The following NELFA variants were observed in gnomAD, a reference collection of about 807,000 sequenced individuals.
NELFA encodes the protein negative elongation factor A.
NELFA carries 35 observed loss-of-function variants against 51.8 expected under a neutral mutation model. That is an observed-to-expected ratio of 0.68 (90% CI 0.52 to 0.90). NELFA has a LOEUF of 0.90. Ranked by LOEUF, NELFA falls within the 40% of genes least tolerant of loss-of-function variation. The probability of loss-of-function intolerance (pLI) is 0.00; values close to 1 mark genes in which losing one functional copy is unlikely to be tolerated. For synonymous variants in NELFA, 417 were observed against 338.4 expected, an observed-to-expected ratio of 1.23 and a Z score of -2.55; for missense variants, 658 against 746.4, an observed-to-expected ratio of 0.88 and a Z score of 1.38.
At chr4:1,990,046 A>G (rs1728227065) in intron 2 of NELFA, 177 bp from the exon 3 acceptor site, 2 of 668,454 alleles carry the variant, frequency 3.0e-6, no homozygotes, top group African/African-American at 3.6e-5. Flanking sequence ...AACACCCAGG[A>G]GCATTTGCAG....
intron 10 of NELFA, 31 bp downstream of exon 10, chr4:1,983,565 T>G: frequency 6.2e-7 from 1 of 1,612,282 alleles, no homozygotes; most frequent in African/African-American, 1.3e-5. Flanking sequence ...CCCGGCCCGG[T>G]GCACCCCCAG....
At chr4:2,008,018 G>A (rs1031918457) in intron 1 of NELFA, 1 of 456,872 alleles carries the variant, frequency 2.2e-6, no homozygotes, top group Non-Finnish European at 4.4e-6. Context: ...AGAGTAAAAC[G>A]GACACAGAGC....
Position 1,984,939 on chromosome 4 carries a change from G to T in NELFA, c.925-20C>A, listed in dbSNP as rs1035105419. 2 of 1,530,424 alleles carry T rather than the reference G, an allele frequency of 1.3e-6. No individual in the cohort carries two copies. Among genetic ancestry groups the T allele is most frequent in the African/African-American group, 2.7e-5 (2 of 72,878 alleles). The allele number at this position is 1,530,424 out of a possible 1,614,324, so 94.8% of individuals were successfully genotyped here. The stretch of plus-strand genomic sequence containing the variant: ...AAGTTTCTGGAACACAGAGTTTAAG[G>T]TTCCTTCCAGAAGAGGCCATGCTTC... On this transcript the variant is annotated intron_variant, in intron 7 of 10. Transcript: ENST00000382882.
intron 1 of NELFA, chr4:1,992,327 A>T: frequency 4.0e-6 from 1 of 251,206 alleles, no homozygotes; most frequent in South Asian, 3.3e-5. Flanking sequence ...CGGGATCTGG[A>T]GTGAGGCCAG....
Position 1,991,530 on chromosome 4 carries a change from G to A in NELFA, c.382+14C>T, listed in dbSNP as rs201996282. 3.4e-4 allele frequency: 551 copies of A among 1,612,562 alleles called. No individual in the cohort carries two copies. In the African/African-American group the frequency reaches 6.4e-3, roughly 19 times the overall value. On this transcript the variant is annotated intron_variant, in intron 2 of 10. Coordinates refer to ENST00000382882, the MANE Select transcript of NELFA (RefSeq NM_005663.5). ...TTCCCTCCACCCAACATGAATTAAA[G>A]CAGCACAACATACCCTTTTCTCTAA...
intron 1 of NELFA, 33 bp from the exon 2 acceptor site, chr4:1,991,748 C>T: frequency 5.1e-6 from 8 of 1,554,544 alleles, no homozygotes; most frequent in Non-Finnish European, 6.9e-6. Context: ...CGCCACCATG[C>T]CCCTGCCCAC....
chr4:2,001,833 G>A (rs1442331948), intron 1 of NELFA, among the ~76,000 whole-genome samples: 1 of 152,000 alleles, frequency 6.6e-6, no homozygotes, highest in Non-Finnish European at 1.5e-5. Context: ...AGCAAGGGAG[G>A]CGGAGGTTGC....
At chr4:1,987,889 G>T in intron 4 of NELFA, 29 bp downstream of exon 4, 1 of 1,569,662 alleles carries the variant, frequency 6.4e-7, no homozygotes, top group Non-Finnish European at 8.7e-7. Flanking sequence ...CCAAAAGCAA[G>T]GCTCACGGCA....
In NELFA at chr4:2,003,675, T is replaced by C. The variant is rs189600957; in HGVS notation, c.210+5075A>G. 5.7e-4 allele frequency among the ~76,000 whole-genome samples: 86 copies of C among 152,136 alleles called. No homozygotes were observed. The East Asian group carries it at 0.014, about 25-fold the overall frequency. ...TTCTCACTCATAAGTGGCAGGTAGTTGAACACTGAGAACACATGCACACAG... is the reference window on the plus strand; with the variant it reads ...TTCTCACTCATAAGTGGCAGGTAGTCGAACACTGAGAACACATGCACACAG... On this transcript the variant is annotated intron_variant, in intron 1 of 10. Coordinates refer to ENST00000382882, the MANE Select transcript of NELFA (RefSeq NM_005663.5).
chr4:1,995,120 C>G (rs936253974), intron 1 of NELFA, among the ~76,000 whole-genome samples: 7 of 152,212 alleles, frequency 4.6e-5, no homozygotes, highest in Non-Finnish European at 7.3e-5. Context: ...ATCCAATCAA[C>G]TGAAAACCAA....
At position 1,983,275 on chromosome 4, in the gene NELFA, C is replaced by T; in HGVS notation, c.*44G>A. ...ACTTTAAGCTGGCAAAGCCATCGTC[C>T]CGTGGACCCCCACAAGTGACGGCCA... On this transcript the variant is annotated 3_prime_UTR_variant, in exon 11 of 11. Coordinates refer to ENST00000382882, the MANE Select transcript of NELFA (RefSeq NM_005663.5). The T allele has an allele frequency of 6.3e-7, 1 of 1,577,394 alleles. No homozygotes were observed. The highest frequency in any genetic ancestry group is 8.7e-7 in the Non-Finnish European group (1 of 1,155,680).
intron 2 of NELFA, 68 bp downstream of exon 2, chr4:1,991,476 C>A (rs1201173076): frequency 5.1e-6 from 8 of 1,553,498 alleles, no homozygotes; most frequent in Middle Eastern, 3.4e-4. Context: ...AAATTCATTT[C>A]AGAAAAAAAT....
In NELFA at chr4:1,983,885, G is replaced by A. The variant is rs1727989403; in HGVS notation, c.1265C>T (p.Pro422Leu). 1.9e-6 allele frequency: 3 copies of A among 1,592,682 alleles called. No individual in the cohort carries two copies. Among genetic ancestry groups the A allele is most frequent in the South Asian group, 2.3e-5 (2 of 87,714 alleles). The part of the protein sequence containing the change: ...VAMVAPQTQA[P>L]AQQQPKKNLS... ...GTTCTTCTTAGGCTGCTGCTGAGCA[G>A]GGGCCTGGGTCTGCGGGGCCACCAT... The change falls in exon 9 of 11, where the codon CCT becomes CTT. Residue 422 changes from proline to leucine, a missense_variant. Transcript: ENST00000382882.
intron 1 of NELFA, chr4:2,006,949 A>G (rs1003928874): frequency 6.4e-6 from 1 of 156,928 alleles, no homozygotes; most frequent in Non-Finnish European, 1.4e-5. Context: ...TGAATATACA[A>G]TTCTCAAAGC....
At position 1,990,586 on chromosome 4, in the gene NELFA, T is replaced by C. The variant is rs1002186457; in HGVS notation, c.383-717A>G. 45 of 447,070 alleles carry C rather than the reference T, an allele frequency of 1.0e-4. 1 individual carries two copies. The highest frequency in any genetic ancestry group is 6.6e-4 in the Middle Eastern group (2 of 3,026). The allele number at this position is 447,070 out of a possible 1,614,324, so 27.7% of individuals were successfully genotyped here. On this transcript the variant is annotated intron_variant, in intron 2 of 10. Transcript: ENST00000382882. Reference sequence around the variant, plus strand: ...CCTCACAGGTGGGGAGAGGTGCCACTTGCAGGGGGGTGGCCAGCAGGGCCC... The same window carrying C: ...CCTCACAGGTGGGGAGAGGTGCCACCTGCAGGGGGGTGGCCAGCAGGGCCC...
chr4:1,986,087 CGCCGACACGCAG>C lies in NELFA; in HGVS notation c.835+15_835+26del, dbSNP rs1371183204. The C allele has an allele frequency of 1.3e-6, 2 of 1,548,414 alleles. No homozygotes were observed. Among genetic ancestry groups the C allele is most frequent in the Non-Finnish European group, 1.7e-6 (2 of 1,146,050 alleles). On this transcript the variant is annotated intron_variant, in intron 6 of 10. Transcript: ENST00000382882. ...CAGGGCCCGCAGGGACCCCCATTGC[CGCCGACACGCAG>C]GCCCCAACCCCCACCGAGAGTCTTC...
chr4:1,993,888 C>A (rs1353798762), intron 1 of NELFA, among the ~76,000 whole-genome samples: 3 of 151,764 alleles, frequency 2.0e-5, no homozygotes, highest in East Asian at 3.9e-4. Context: ...GCAACCTCCG[C>A]CTTCCCAGGT....
Position 1,986,184 on chromosome 4 carries a change from C to T in NELFA, c.766-1G>A. On this transcript the variant is annotated splice_acceptor_variant, in intron 5 of 10. Coordinates refer to ENST00000382882, the MANE Select transcript of NELFA (RefSeq NM_005663.5). LOFTEE classifies it high-confidence loss of function. ...TATCCAGCTCAGAGATGTCCAGCAG[C>T]TGCCAAGACAAGCACAGCCCTGCCT... The T allele has an allele frequency of 1.3e-6, 2 of 1,559,370 alleles. No homozygotes were observed. The highest frequency in any genetic ancestry group is 1.7e-6 in the Non-Finnish European group (2 of 1,151,388).
rs201787197 is a variant in NELFA at position 1,995,720 on chromosome 4, TA to T, written c.211-4006del. ...TTACTAAATACAGAGAATCTCTATG[TA>T]AAGATCCAAGGTTGAGCTCACATGG... On this transcript the variant is annotated intron_variant, in intron 1 of 10. Transcript: ENST00000382882. Among the ~76,000 whole-genome samples the T allele has an allele frequency of 5.1e-3, 770 of 152,262 alleles. 7 individuals carry two copies. Among genetic ancestry groups the T allele is most frequent in the African/African-American group, 0.017 (720 of 41,540 alleles).
Sources: allele counts gnomAD v4.1 joint callset (sites outside exome capture counted in the v4.1 genomes callset), GRCh38; gene constraint gnomAD v4.1.1; transcripts MANE v1.5; gene names NCBI Gene and HGNC (gene_info 2026-07-23, HGNC 2026-07-21).